Variants in MTDH observed in about 807,000 individuals in gnomAD.
MTDH encodes protein LYRIC.
MTDH carries 34 observed loss-of-function variants against 72.7 expected under a neutral mutation model. The ratio of observed to expected loss-of-function variants is 0.47; its 90% confidence interval spans 0.36 to 0.62. The LOEUF is 0.62. MTDH is among the 20% of genes least tolerant of loss of function. MTDH has a pLI of 0.00. For missense variants in MTDH, 677 were observed against 699.4 expected (o/e 0.97, Z 0.36); for synonymous variants, 266 against 268.9 (o/e 0.99, Z 0.10).
chr8:97,670,990 G>A (rs1326666017), intron 2 of MTDH, among the ~76,000 whole-genome samples: 5 of 114,242 alleles, frequency 4.4e-5, no homozygotes, highest in Non-Finnish European at 8.2e-5. Context: ...ACGGAGTCTC[G>A]CTCTGTCGCC....
chr8:97,683,277 A>T (rs1813215606), intron 2 of MTDH, among the ~76,000 whole-genome samples: 1 of 151,432 alleles, frequency 6.6e-6, no homozygotes, highest in South Asian at 2.1e-4. Context: ...GTTAGCCAGG[A>T]TGGTCTCGAT....
chr8:97,691,687 TTGTGTGTGTGTGTGTTTGTG>T (rs1238487139), intron 6 of MTDH, among the ~76,000 whole-genome samples: 8 of 148,444 alleles, frequency 5.4e-5, no homozygotes, highest in African/African-American at 1.8e-4. Context: ...GCAGCTTAAT[TTGTGTGTGTGTGTGTTTGTG>T]TGTGTGTGTG....
In MTDH at chr8:97,686,756, C is replaced by T. The variant is rs190066143; in HGVS notation, c.568+4C>T. On this transcript the variant is annotated splice_donor_region_variant and intron_variant, in intron 3 of 11. Transcript: ENST00000336273. The stretch of plus-strand genomic sequence containing the variant: ...GATGGAAAGGAAGTTGATGAAGGTA[C>T]TTGAGCAAGGGAAAGGACTGTAGAA... 1.3e-6 allele frequency: 2 copies of T among 1,589,448 alleles called. No individual in the cohort carries two copies. Among genetic ancestry groups the T allele is most frequent in the Middle Eastern group, 1.7e-4 (1 of 5,996 alleles).
chr8:97,708,847 A>G (rs1053366445), intron 8 of MTDH, among the ~76,000 whole-genome samples: 2 of 151,072 alleles, frequency 1.3e-5, no homozygotes, highest in East Asian at 2.0e-4. Flanking sequence ...TGATCTGCCC[A>G]CCTTGGCCCC....
intron 7 of MTDH, among the ~76,000 whole-genome samples, chr8:97,702,577 A>G (rs1814176893): frequency 6.6e-6 from 1 of 152,240 alleles, no homozygotes; most frequent in Non-Finnish European, 1.5e-5. Context: ...AACTAACCCA[A>G]TGTTGTTAAC....
At chr8:97,649,967 T>A (rs1811705841) in intron 1 of MTDH, among the ~76,000 whole-genome samples, 1 of 151,784 alleles carries the variant, frequency 6.6e-6, no homozygotes, top group Non-Finnish European at 1.5e-5. Flanking sequence ...TCTTTTCTTT[T>A]CTTTTTGAAA....
chr8:97,692,492 C>T (rs547939936), intron 6 of MTDH, among the ~76,000 whole-genome samples: 1 of 151,950 alleles, frequency 6.6e-6, no homozygotes, highest in Non-Finnish European at 1.5e-5. Flanking sequence ...CTTGCCTCAG[C>T]CTCCCAAGTA....
intron 6 of MTDH, among the ~76,000 whole-genome samples, chr8:97,697,765 G>A (rs1241789958): frequency 6.6e-6 from 1 of 152,022 alleles, no homozygotes; most frequent in Admixed American, 6.6e-5. Flanking sequence ...GTTGGATTTG[G>A]TCTGTGAGTC....
intron 8 of MTDH, among the ~76,000 whole-genome samples, chr8:97,708,875 C>T (rs1814499289): frequency 6.6e-6 from 1 of 151,966 alleles, no homozygotes. Context: ...GCTGGGATTA[C>T]AGGCGTGAGC....
At chr8:97,686,861 T>C in intron 3 of MTDH, 109 bp downstream of exon 3, 2 of 620,268 alleles carry the variant, frequency 3.2e-6, no homozygotes, top group Non-Finnish European at 5.2e-6. Context: ...TAGCTCTTCT[T>C]TTTTATTACT....
rs1446371613 is a variant in MTDH at position 97,725,169 on chromosome 8, A to G, written c.*499A>G. 1.3e-5 allele frequency: 2 copies of G among 152,688 alleles called. No homozygotes were observed. Among genetic ancestry groups the G allele is most frequent in the African/African-American group, 4.8e-5 (2 of 41,464 alleles). The allele number at this position is 152,688 out of a possible 1,614,324, so 9.5% of individuals were successfully genotyped here. A position where few individuals can be genotyped will look rare whatever the true frequency, so the allele number is the denominator to read the frequency against. On this transcript the variant is annotated 3_prime_UTR_variant, in exon 12 of 12. Transcript: ENST00000336273. ...ATATTTGTTGGTAGCAATTTGTATT[A>G]AAGAAATCACAAGTGCAAATAAAAA...
intron 2 of MTDH, among the ~76,000 whole-genome samples, chr8:97,661,754 G>A (rs1487060849): frequency 1.3e-5 from 2 of 151,976 alleles, no homozygotes; most frequent in East Asian, 1.9e-4. Flanking sequence ...ATCAGCCTGG[G>A]CAACATGGCG....
intron 8 of MTDH, among the ~76,000 whole-genome samples, chr8:97,710,302 A>T (rs560017642): frequency 7.2e-5 from 11 of 152,212 alleles, no homozygotes; most frequent in Admixed American, 7.2e-4. Flanking sequence ...TCCTGTAAAG[A>T]TAGTCTAGGA....
intron 2 of MTDH, among the ~76,000 whole-genome samples, chr8:97,665,837 A>G (rs1433648365): frequency 6.6e-6 from 1 of 152,200 alleles, no homozygotes; most frequent in Non-Finnish European, 1.5e-5. Context: ...CTCTGATTGT[A>G]AAGATCTGGC....
At chr8:97,698,957 A>G (rs1022347290) in intron 6 of MTDH, among the ~76,000 whole-genome samples, 2 of 151,864 alleles carry the variant, frequency 1.3e-5, no homozygotes, top group African/African-American at 4.8e-5. Flanking sequence ...TGGGCAACAC[A>G]GGGAAGACCC....
chr8:97,730,195 A>G lies in MTDH; in HGVS notation c.*5525A>G, dbSNP rs1815503442. Among the ~76,000 whole-genome samples the G allele has an allele frequency of 6.6e-6, 1 of 152,238 alleles. No individual in the cohort carries two copies. Among genetic ancestry groups the G allele is most frequent in the African/African-American group, 2.4e-5 (1 of 41,474 alleles). ...TTTTATTTGTATCAAGGCATTTAAA[A>G]TGAATATATGTAACATGTACCTAAG... On this transcript the variant is annotated 3_prime_UTR_variant, in exon 12 of 12. Coordinates refer to ENST00000336273, the MANE Select transcript of MTDH (RefSeq NM_178812.4).
intron 2 of MTDH, among the ~76,000 whole-genome samples, chr8:97,664,539 C>A (rs1417194134): frequency 6.6e-6 from 1 of 152,176 alleles, no homozygotes; most frequent in African/African-American, 2.4e-5. Context: ...ATACATGCTA[C>A]AACTCATGGC....
In MTDH at chr8:97,719,165, C is replaced by T. The variant is rs374434523; in HGVS notation, c.1497C>T (p.Ala499=). 39 of 1,610,410 alleles carry T rather than the reference C, an allele frequency of 2.4e-5. No individual in the cohort carries two copies. Among genetic ancestry groups the T allele is most frequent in the African/African-American group, 1.7e-4 (13 of 74,574 alleles). ...SLKTISTSDP[A]EVLVKNSQPI... ...AGACCATAAGCACTAGTGATCCAGC[C>T]GAAGTACTCGTCAAAAATAGCCAGG... Residue 499 remains alanine (A), a synonymous_variant, in exon 10 of 12, where the codon GCC becomes GCT. Transcript: ENST00000336273.
In MTDH at chr8:97,720,583, A is replaced by ATT. The variant is rs1421931914; in HGVS notation, c.1521+1395_1521+1396insTT. Among the ~76,000 whole-genome samples, 79 of 147,560 alleles carry ATT rather than the reference A, an allele frequency of 5.4e-4. 1 individual carries two copies. Among genetic ancestry groups the ATT allele is most frequent in the African/African-American group, 2.0e-3 (75 of 38,254 alleles). ...AAAGTGAGACTTTGTGAAGAAGAATATATATATATTTATTTATTTATTTAT... is the reference window on the plus strand; with the variant it reads ...AAAGTGAGACTTTGTGAAGAAGAATATTTATATATATTTATTTATTTATTTAT... On this transcript the variant is annotated intron_variant, in intron 10 of 11. Transcript: ENST00000336273.
Sources: gnomAD v4.1 joint callset for allele counts (sites outside exome capture counted in the v4.1 genomes callset) on GRCh38, gnomAD v4.1.1 for gene constraint, MANE v1.5 for transcripts, NCBI Gene and HGNC (gene_info 2026-07-23, HGNC 2026-07-21) for gene names.